Variants in SCUBE2 observed in about 807,000 individuals in gnomAD.
The protein encoded by SCUBE2 is signal peptide, CUB and EGF-like domain-containing protein 2.
In SCUBE2, 114 loss-of-function variants were observed where a neutral mutation model predicts 125.9. The ratio of observed to expected loss-of-function variants is 0.91; its 90% CI spans 0.78 to 1.06. SCUBE2 has a LOEUF of 1.06. Among genes scored for constraint, SCUBE2 ranks in the 50% least tolerant of loss-of-function variants. The pLI is 0.00. For missense variants in SCUBE2, 1,255 were observed against 1,301.8 expected (o/e 0.96, Z 0.55); for synonymous variants, 459 against 492.9 (o/e 0.93, Z 0.91).
Position 9,055,757 on chromosome 11 carries a change from A to T in SCUBE2, c.1207+36T>A. 3 of 1,558,498 alleles carry T rather than the reference A, an allele frequency of 1.9e-6. No homozygotes were observed. In the East Asian group the frequency reaches 6.7e-5, roughly 35 times the overall value. On this transcript the variant is annotated intron_variant, in intron 10 of 22. Transcript: ENST00000649792. The stretch of plus-strand genomic sequence containing the variant: ...CCTGCTCCCCTCCAGGCCCAGCCTC[A>T]TTCCCCTCCCAACTTGACAGGGGCA...
In SCUBE2 at chr11:9,047,236, C is replaced by G. The variant is rs538248618; in HGVS notation, c.2002+120G>C. The G allele has an allele frequency of 1.2e-4, 113 of 979,234 alleles. 1 individual carries two copies. The African/African-American group carries it at 1.6e-3, about 14-fold the overall frequency. 60.7% of individuals were successfully genotyped at this position (979,234 alleles called of 1,614,324 possible). A position where few individuals can be genotyped will look rare whatever the true frequency, so the allele number is the denominator to read the frequency against. On this transcript the variant is annotated intron_variant, in intron 16 of 22. Coordinates refer to ENST00000649792, the MANE Select transcript of SCUBE2 (RefSeq NM_001367977.2). Reference sequence around the variant, plus strand: ...CAGTTACTGAAACAGAAGCACTGCCCGGAGTGTTCTCTAAAGTGAGCCCTG... The same window carrying G: ...CAGTTACTGAAACAGAAGCACTGCCGGGAGTGTTCTCTAAAGTGAGCCCTG...
intron 2 of SCUBE2, among the ~76,000 whole-genome samples, chr11:9,087,946 CTGTT>C (rs1394641134): frequency 5.3e-5 from 8 of 152,182 alleles, no homozygotes; most frequent in Non-Finnish European, 1.0e-4. Context: ...GTGGGTTTGT[CTGTT>C]TGTTGGAAAA....
intron 9 of SCUBE2, among the ~76,000 whole-genome samples, chr11:9,056,706 C>A (rs1859121596): frequency 2.0e-5 from 3 of 152,150 alleles, no homozygotes; most frequent in African/African-American, 7.2e-5. Context: ...TGGCCCTCAA[C>A]CTCTTTCTTG....
chr11:9,081,125 A>C (rs1336940033), intron 2 of SCUBE2, among the ~76,000 whole-genome samples: 3 of 152,250 alleles, frequency 2.0e-5, no homozygotes, highest in African/African-American at 7.2e-5. Context: ...AAATGGGAAC[A>C]CATACATTGT....
intron 2 of SCUBE2, among the ~76,000 whole-genome samples, chr11:9,087,203 A>G (rs1862163749): frequency 6.6e-6 from 1 of 152,222 alleles, no homozygotes; most frequent in Non-Finnish European, 1.5e-5. Flanking sequence ...CATTTGAAAT[A>G]TATCAAACTC....
intron 3 of SCUBE2, among the ~76,000 whole-genome samples, chr11:9,076,971 T>C (rs1861263073): frequency 6.6e-6 from 1 of 152,242 alleles, no homozygotes; most frequent in Non-Finnish European, 1.5e-5. Flanking sequence ...ACTCCTGGAT[T>C]GGCTGCGAGT....
chr11:9,061,721 A>G (rs1353939688), intron 7 of SCUBE2, among the ~76,000 whole-genome samples: 3 of 152,218 alleles, frequency 2.0e-5, no homozygotes, highest in Admixed American at 2.0e-4. Context: ...CCTTAAGGAC[A>G]AAGAAAATAG....
At chr11:9,030,200 TAAATA>T in intron 18 of SCUBE2, 155 bp from the exon 19 acceptor site, 1 of 755,404 alleles carries the variant, frequency 1.3e-6, no homozygotes. Context: ...CTTAATTCCC[TAAATA>T]GGCAGTGTGG....
At chr11:9,035,810 T>C (rs1197516985) in intron 16 of SCUBE2, among the ~76,000 whole-genome samples, 1 of 148,640 alleles carries the variant, frequency 6.7e-6, no homozygotes, top group Non-Finnish European at 1.5e-5. Context: ...ATAAAGTCTA[T>C]CCAAATATCT....
intron 2 of SCUBE2, among the ~76,000 whole-genome samples, chr11:9,085,570 C>CA (rs1246989791): frequency 6.6e-6 from 1 of 151,872 alleles, no homozygotes; most frequent in African/African-American, 2.4e-5. Flanking sequence ...GCTAAAAATA[C>CA]AAAAAATTAG....
In SCUBE2 at chr11:9,047,514, C is replaced by T. The variant is rs144080898; in HGVS notation, c.1844G>A (p.Arg615His). ...CTTTCTGAGCGTGCGGATGGCTTTA[C>T]GGAGCCGCTTCTCGGTTCGCTTTAC... ...CIVKRTEKRLRKAIRTLRKAV... is the reference protein window; with the variant it reads ...CIVKRTEKRLHKAIRTLRKAV... The change falls in exon 16 of 23, where the codon CGT becomes CAT. Residue 615 changes from arginine to histidine, a missense_variant. Coordinates refer to ENST00000649792, the MANE Select transcript of SCUBE2 (RefSeq NM_001367977.2). The T allele has an allele frequency of 2.6e-4, 414 of 1,613,666 alleles. 1 individual carries two copies. Among genetic ancestry groups the T allele is most frequent in the Non-Finnish European group, 2.9e-4 (340 of 1,179,974 alleles).
At chr11:9,025,666 G>C in intron 21 of SCUBE2, 36 bp downstream of exon 21, 1 of 1,611,854 alleles carries the variant, frequency 6.2e-7, no homozygotes, top group South Asian at 1.1e-5. Context: ...GTTCAAAGCA[G>C]AGACGCTCTT....
intron 18 of SCUBE2, 84 bp from the exon 19 acceptor site, chr11:9,030,129 G>A (rs1228948976): frequency 6.8e-7 from 1 of 1,471,130 alleles, no homozygotes; most frequent in African/African-American, 1.4e-5. Flanking sequence ...TAAAGTTTGT[G>A]AAAGAAATGT....
At chr11:9,043,800 C>CT (rs1196612614) in intron 16 of SCUBE2, among the ~76,000 whole-genome samples, 13 of 144,250 alleles carry the variant, frequency 9.0e-5, no homozygotes, top group African/African-American at 3.1e-4. Flanking sequence ...GTTAAAATGA[C>CT]TATTTTTTTT....
rs1857890783 is a variant in SCUBE2, at chr11:9,047,383, C to T, written c.1975G>A (p.Gly659Ser). The change falls in exon 16 of 23, where the codon GGC (glycine) becomes AGC (serine). Residue 659 changes from glycine to serine, a missense_variant. Gly to Ser is a moderately conservative substitution (Grantham distance 56, BLOSUM62 0). Around this residue, in one of 3 missense-constraint regions of SCUBE2, gnomAD observed 515 missense variants for 515.7 expected, o/e 1.00. Transcript: ENST00000649792. ...SERQAESCGVGQGHAENQCVS... is the reference protein window; with the variant it reads ...SERQAESCGVSQGHAENQCVS... ...CATTGGTTTTCTGCATGACCCTGGCCCACTCCACAGGACTCTGCCTGGCGT... is the reference window on the plus strand; with the variant it reads ...CATTGGTTTTCTGCATGACCCTGGCTCACTCCACAGGACTCTGCCTGGCGT... The T allele has an allele frequency of 6.2e-7, 1 of 1,614,158 alleles. No individual in the cohort carries two copies. The highest frequency in any genetic ancestry group is 8.5e-7 in the Non-Finnish European group (1 of 1,180,032).
At chr11:9,022,082 C>T in intron 21 of SCUBE2, 127 bp from the exon 22 acceptor site, 1 of 671,798 alleles carries the variant, frequency 1.5e-6, no homozygotes, top group Non-Finnish European at 2.7e-6. Flanking sequence ...ATTCTGCTTA[C>T]TGAGAAGACA....
chr11:9,079,875 C>T (rs531671884), intron 2 of SCUBE2, among the ~76,000 whole-genome samples: 32 of 152,186 alleles, frequency 2.1e-4, no homozygotes, highest in Admixed American at 5.2e-4. Flanking sequence ...ATCTGTAATA[C>T]GTTATCTTCA....
At chr11:9,054,478 C>G (rs1042641255) in intron 10 of SCUBE2, among the ~76,000 whole-genome samples, 7 of 151,952 alleles carry the variant, frequency 4.6e-5, no homozygotes, top group Non-Finnish European at 1.0e-4. Flanking sequence ...ACCATTTACA[C>G]AGTTGAGGCA....
At chr11:9,060,306 C>T (rs898086552) in intron 8 of SCUBE2, 102 bp downstream of exon 8, 56 of 821,146 alleles carry the variant, frequency 6.8e-5, no homozygotes, top group Admixed American at 6.1e-4. Context: ...TCTCGAGTCA[C>T]GTGGGGTATG....
Sources: allele counts gnomAD v4.1 joint callset (sites outside exome capture counted in the v4.1 genomes callset), GRCh38; gene constraint gnomAD v4.1.1; regional missense constraint gnomAD v4.1.1; transcripts MANE v1.5; gene names NCBI Gene and HGNC (gene_info 2026-07-23, HGNC 2026-07-21).